The following SERPINB12 variants were observed in gnomAD, a reference collection of about 807,000 sequenced individuals.
SERPINB12 encodes the protein serpin family B member 12.
SERPINB12 carries 57 observed loss-of-function variants against 41.1 expected under a neutral mutation model. That is an observed-to-expected ratio of 1.39 (90% confidence interval 1.12 to 1.73). The LOEUF (loss-of-function observed/expected upper bound fraction) is 1.73, where lower values mean the gene tolerates loss of function less well. Among genes scored for constraint, SERPINB12 ranks in the 40% most tolerant of loss-of-function variants. The probability of loss-of-function intolerance (pLI) is 0.00; values close to 1 mark genes in which losing one functional copy is unlikely to be tolerated. For synonymous variants in SERPINB12, 180 were observed against 181.3 expected, an observed-to-expected ratio of 0.99 and a Z score of 0.06; for missense variants, 536 against 501.9, an observed-to-expected ratio of 1.07 and a Z score of -0.65.
At chr18:63,552,989 G>A (rs184243645) in intron 1 of SERPINB12, among the ~76,000 whole-genome samples, 74 of 150,702 alleles carry the variant, frequency 4.9e-4, no homozygotes, top group Non-Finnish European at 8.3e-4. Context: ...TTTTTTTTTC[G>A]TTGTTTTCTG....
intron 2 of SERPINB12, among the ~76,000 whole-genome samples, chr18:63,556,682 C>T (rs1373058990): frequency 1.3e-5 from 2 of 152,154 alleles, no homozygotes; most frequent in African/African-American, 2.4e-5. Context: ...TATATGTCTT[C>T]TGTCTCACTC....
the SERPINB12 span, among the ~76,000 whole-genome samples, chr18:63,527,759 A>C: frequency 6.6e-6 from 1 of 152,176 alleles, no homozygotes; most frequent in African/African-American, 2.4e-5. Flanking sequence ...GTTTTTAAGA[A>C]AGGCAATTCA....
chr18:63,534,257 G>A, the SERPINB12 span, among the ~76,000 whole-genome samples: 1 of 152,080 alleles, frequency 6.6e-6, no homozygotes, highest in Non-Finnish European at 1.5e-5. Flanking sequence ...AGTAGCAATT[G>A]ATAGTCTGTT....
the SERPINB12 span, among the ~76,000 whole-genome samples, chr18:63,524,123 C>CTT: frequency 7.2e-3 from 1,073 of 148,818 alleles, 16 homozygotes; most frequent in African/African-American, 0.025. Flanking sequence ...AAAAGAAAAA[C>CTT]TTTTTTTTTT....
intron 1 of SERPINB12, among the ~76,000 whole-genome samples, chr18:63,550,352 C>T (rs949007077): frequency 1.3e-5 from 2 of 151,966 alleles, no homozygotes; most frequent in African/African-American, 4.8e-5. Flanking sequence ...GGGAGCATTC[C>T]CTAAATGCAT....
At chr18:63,536,238 A>G in the SERPINB12 span, among the ~76,000 whole-genome samples, 1 of 151,992 alleles carries the variant, frequency 6.6e-6, no homozygotes, top group African/African-American at 2.4e-5. Context: ...AATTAAAATC[A>G]TACGTTTTGA....
the SERPINB12 span, among the ~76,000 whole-genome samples, chr18:63,519,189 G>C: frequency 9.5e-4 from 145 of 152,292 alleles, no homozygotes; most frequent in African/African-American, 3.3e-3. Context: ...CCACAGGTAA[G>C]ACCCGGGGAC....
At chr18:63,551,850 T>C (rs1367293678) in intron 1 of SERPINB12, among the ~76,000 whole-genome samples, 1 of 152,208 alleles carries the variant, frequency 6.6e-6, no homozygotes, top group African/African-American at 2.4e-5. Context: ...CATTACTGTT[T>C]TCAAATTAGT....
intron 7 of SERPINB12, 55 bp from the exon 8 acceptor site, chr18:63,566,552 G>A: frequency 6.7e-7 from 1 of 1,491,890 alleles, no homozygotes; most frequent in Non-Finnish European, 9.0e-7. Context: ...AGTAATTGGG[G>A]CATTCTTTGT....
At chr18:63,530,745 GGTGATAA>G in the SERPINB12 span, among the ~76,000 whole-genome samples, 1 of 152,102 alleles carries the variant, frequency 6.6e-6, no homozygotes, top group Admixed American at 6.6e-5. Context: ...AGGATTTATA[GGTGATAA>G]GTACATAATT....
chr18:63,566,381 T>C (rs1238992234), intron 7 of SERPINB12, among the ~76,000 whole-genome samples: 2 of 152,216 alleles, frequency 1.3e-5, no homozygotes, highest in African/African-American at 4.8e-5. Flanking sequence ...AACACTTGTC[T>C]CTCAAACACC....
At chr18:63,543,153 G>A (rs1910310121) in intron 1 of SERPINB12, among the ~76,000 whole-genome samples, 1 of 152,160 alleles carries the variant, frequency 6.6e-6, no homozygotes, top group Non-Finnish European at 1.5e-5. Context: ...TATTAGGAAT[G>A]AATGAGATAA....
At chr18:63,533,192 G>C in the SERPINB12 span, among the ~76,000 whole-genome samples, 1 of 152,088 alleles carries the variant, frequency 6.6e-6, no homozygotes, top group East Asian at 1.9e-4. Context: ...TGGCCAGGCT[G>C]GTCTGGAACC....
intron 1 of SERPINB12, among the ~76,000 whole-genome samples, chr18:63,548,201 C>T (rs1910433580): frequency 6.6e-6 from 1 of 151,880 alleles, no homozygotes; most frequent in Admixed American, 6.6e-5. Flanking sequence ...GTAACAAAGC[C>T]AGAAGGAAAG....
intron 1 of SERPINB12, among the ~76,000 whole-genome samples, chr18:63,545,829 T>C (rs181861234): frequency 9.5e-4 from 145 of 152,242 alleles, no homozygotes; most frequent in African/African-American, 3.2e-3. Flanking sequence ...TTCCAAACTC[T>C]TGCAAATCAT....
At chr18:63,559,022 C>T (rs995342458) in intron 3 of SERPINB12, among the ~76,000 whole-genome samples, 1 of 65,534 alleles carries the variant, frequency 1.5e-5, no homozygotes, top group Non-Finnish European at 3.9e-5. Context: ...TTCTTTCTTT[C>T]TTTCTTTCTT....
rs371509100 is a variant in SERPINB12 at position 63,556,309 on chromosome 18, T to C, written c.150T>C (p.Ser50=). The C allele has an allele frequency of 1.2e-4, 199 of 1,613,856 alleles. No homozygotes were observed. Among genetic ancestry groups the C allele is most frequent in the Non-Finnish European group, 1.6e-4 (188 of 1,179,922 alleles). The part of the protein sequence containing the change: ...GMVRLGARSD[S]AHQIDEVLHF... The stretch of plus-strand genomic sequence containing the variant: ...TACGCTTGGGTGCTAGAAGTGACAG[T>C]GCACATCAGATTGATGAGGTACGTG... Residue 50 remains serine, a synonymous_variant, in exon 2 of 8, where the codon AGT becomes AGC. Coordinates refer to ENST00000382768, the MANE Select transcript of SERPINB12 (RefSeq NM_001307928.2).
At position 63,559,720 on chromosome 18, in the gene SERPINB12, T is replaced by C. The variant is rs766919135; in HGVS notation, c.444+2T>C. 1 of 1,613,806 alleles carries C rather than the reference T, an allele frequency of 6.2e-7. No individual in the cohort carries two copies. Among genetic ancestry groups the C allele is most frequent in the Admixed American group, 1.7e-5 (1 of 59,988 alleles). On this transcript the variant is annotated splice_donor_variant, in intron 4 of 7. Transcript: ENST00000382768. LOFTEE classifies it high-confidence loss of function. The stretch of plus-strand genomic sequence containing the variant: ...GAGCAGGAATTCCCAATCTGTCAGG[T>C]GAGTTGCACACGAATGGTGACTAAA...
chr18:63,537,597 A>G (rs1285112249), upstream of SERPINB12, among the ~76,000 whole-genome samples: 1 of 152,170 alleles, frequency 6.6e-6, no homozygotes, highest in Non-Finnish European at 1.5e-5. Context: ...TTCATGCCCA[A>G]TAAATTGTTA....
Sources: gnomAD v4.1 joint callset for allele counts (sites outside exome capture counted in the v4.1 genomes callset) on GRCh38, gnomAD v4.1.1 for gene constraint, MANE v1.5 for transcripts, NCBI Gene and HGNC (gene_info 2026-07-23, HGNC 2026-07-21) for gene names.